GREB1L: variants seen among roughly 807,000 people sequenced by gnomAD.
GREB1L encodes GREB1 like retinoic acid receptor coactivator.
A neutral mutation model predicts 200.8 loss-of-function variants in GREB1L; 17 were observed. The ratio of observed to expected loss-of-function variants is 0.08; its 90% CI spans 0.06 to 0.13. The LOEUF (loss-of-function observed/expected upper bound fraction) is 0.13. GREB1L is among the 10% of genes least tolerant of loss of function. The pLI is 1.00. For synonymous variants in GREB1L, 789 were observed against 893.0 expected (o/e 0.88, Z 2.08); for missense variants, 1,657 against 2,367.7 (o/e 0.70, Z 6.23).
chr18:21,401,413 G>A, intron 6 of GREB1L, 87 bp downstream of exon 6: 2 of 1,120,526 alleles, frequency 1.8e-6, no homozygotes, highest in East Asian at 2.6e-5. Flanking sequence ...AGTTCAGGTG[G>A]GATACAGATA....
intron 7 of GREB1L, among the ~76,000 whole-genome samples, chr18:21,412,051 CAAA>C (rs962603456): frequency 3.0e-4 from 9 of 30,504 alleles, no homozygotes; most frequent in Non-Finnish European, 3.6e-4. Context: ...GACTCCGTCT[CAAA>C]AAAAAAAAAA....
At chr18:21,323,154 G>A (rs965811794) in intron 1 of GREB1L, among the ~76,000 whole-genome samples, 1 of 152,108 alleles carries the variant, frequency 6.6e-6, no homozygotes, top group African/African-American at 2.4e-5. Flanking sequence ...GGATGTGGTG[G>A]TGTGTGCCTG....
chr18:21,274,655 A>G (rs1252704941), intron 1 of GREB1L, among the ~76,000 whole-genome samples: 1 of 152,116 alleles, frequency 6.6e-6, no homozygotes, highest in Non-Finnish European at 1.5e-5. Context: ...GCACTTTGAG[A>G]GGCTGAGGTG....
At chr18:21,306,998 C>G (rs1217771275) in intron 1 of GREB1L, among the ~76,000 whole-genome samples, 1 of 152,188 alleles carries the variant, frequency 6.6e-6, no homozygotes, top group Non-Finnish European at 1.5e-5. Context: ...TTCCATTATT[C>G]CATTGTGTTA....
chr18:21,331,250 A>C (rs1384582724), intron 1 of GREB1L, among the ~76,000 whole-genome samples: 1 of 152,194 alleles, frequency 6.6e-6, no homozygotes, highest in Non-Finnish European at 1.5e-5. Context: ...AATCATGCAG[A>C]GATTTCCCTC....
intron 17 of GREB1L, among the ~76,000 whole-genome samples, chr18:21,477,804 A>T (rs2035765110): frequency 6.6e-6 from 1 of 152,068 alleles, no homozygotes; most frequent in African/African-American, 2.4e-5. Context: ...AAAAAACAAA[A>T]AACTAACATA....
intron 7 of GREB1L, among the ~76,000 whole-genome samples, chr18:21,411,768 G>A (rs1404426453): frequency 2.0e-5 from 3 of 152,030 alleles, no homozygotes; most frequent in African/African-American, 7.2e-5. Flanking sequence ...AATGGGGGCC[G>A]GGCGCGGTGG....
intron 5 of GREB1L, among the ~76,000 whole-genome samples, chr18:21,398,961 G>A (rs1467436715): frequency 1.3e-5 from 2 of 152,166 alleles, no homozygotes; most frequent in African/African-American, 4.8e-5. Flanking sequence ...AAGCCATACA[G>A]GGTTTTTAAA....
chr18:21,279,975 T>C (rs2038240909), intron 1 of GREB1L, among the ~76,000 whole-genome samples: 1 of 152,224 alleles, frequency 6.6e-6, no homozygotes, highest in African/African-American at 2.4e-5. Flanking sequence ...GTTTCCTCTA[T>C]TATTAGTATT....
At chr18:21,375,415 A>G (rs1204704951) in intron 2 of GREB1L, among the ~76,000 whole-genome samples, 1 of 152,142 alleles carries the variant, frequency 6.6e-6, no homozygotes, top group Admixed American at 6.5e-5. Context: ...TGTGATTTTT[A>G]AAATTGTTAT....
At chr18:21,332,501 G>A (rs1388012470) in intron 1 of GREB1L, among the ~76,000 whole-genome samples, 2 of 151,892 alleles carry the variant, frequency 1.3e-5, no homozygotes, top group African/African-American at 2.4e-5. Context: ...TTGAGATGGA[G>A]TCTGGCTCTG....
chr18:21,390,024 C>T (rs2040729064), intron 4 of GREB1L, among the ~76,000 whole-genome samples: 1 of 152,158 alleles, frequency 6.6e-6, no homozygotes, highest in Non-Finnish European at 1.5e-5. Flanking sequence ...CGGTCAATGA[C>T]TGACTGCATA....
intron 4 of GREB1L, among the ~76,000 whole-genome samples, chr18:21,390,302 A>G (rs1168329457): frequency 2.0e-5 from 3 of 152,116 alleles, no homozygotes; most frequent in Non-Finnish European, 4.4e-5. Flanking sequence ...ATTAAAAAAA[A>G]AAAGTTTACT....
intron 16 of GREB1L, among the ~76,000 whole-genome samples, chr18:21,474,215 A>C (rs1004288887): frequency 1.3e-5 from 2 of 152,214 alleles, no homozygotes; most frequent in Non-Finnish European, 2.9e-5. Context: ...TCCAAGTCCA[A>C]AGTCTCATCT....
At chr18:21,265,613 A>G (rs546702347) in intron 1 of GREB1L, among the ~76,000 whole-genome samples, 49 of 152,256 alleles carry the variant, frequency 3.2e-4, no homozygotes, top group African/African-American at 1.2e-3. Context: ...GATGAGTGAT[A>G]AGCAAAAGAT....
chr18:21,462,368 T>C (rs572065772), intron 15 of GREB1L, among the ~76,000 whole-genome samples: 1 of 152,384 alleles, frequency 6.6e-6, no homozygotes, highest in Admixed American at 6.5e-5. Flanking sequence ...TCCTTGCCTC[T>C]GCTTATTTTT....
chr18:21,512,367 C>CT (rs1378351739), intron 27 of GREB1L, among the ~76,000 whole-genome samples: 4 of 152,180 alleles, frequency 2.6e-5, no homozygotes, highest in Non-Finnish European at 4.4e-5. Context: ...TTCATCAATG[C>CT]TTTGTACTTT....
rs1459237046 is a variant in GREB1L, at chr18:21,343,753, TGAGACA to T, written c.-119-22270_-119-22265del. Among the ~76,000 whole-genome samples the T allele has an allele frequency of 7.4e-4, 107 of 144,202 alleles. No individual in the cohort carries two copies. In the Middle Eastern group the frequency reaches 0.014, roughly 19 times the overall value. The allele number at this position is 144,202 out of a possible 152,430, so 94.6% of individuals were successfully genotyped here. On this transcript the variant is annotated intron_variant, in intron 1 of 32. Coordinates refer to ENST00000424526, the MANE Select transcript of GREB1L (RefSeq NM_001142966.3). ...AGATTTTTTTTTTTTTTTTTTTTTTTGAGACAGAGTCTCGCTCTGTCACCCAGGCTG... is the reference window on the plus strand; with the variant it reads ...AGATTTTTTTTTTTTTTTTTTTTTTTGAGTCTCGCTCTGTCACCCAGGCTG...
intron 17 of GREB1L, among the ~76,000 whole-genome samples, chr18:21,480,482 G>T (rs2035874017): frequency 6.6e-6 from 1 of 151,998 alleles, no homozygotes; most frequent in South Asian, 2.1e-4. Context: ...TTCAATTTAA[G>T]ATTTAAAGAA....
Sources: gnomAD v4.1 joint callset for allele counts (sites outside exome capture counted in the v4.1 genomes callset) on GRCh38, gnomAD v4.1.1 for gene constraint, MANE v1.5 for transcripts, NCBI Gene and HGNC (gene_info 2026-07-23, HGNC 2026-07-21) for gene names.